Variants in GPC6 observed in about 807,000 individuals in gnomAD.
GPC6 encodes glypican-6.
In GPC6, 14 loss-of-function variants were observed where a neutral mutation model predicts 55.2. The ratio of observed to expected loss-of-function variants is 0.25; its 90% CI spans 0.17 to 0.40. GPC6 has a LOEUF of 0.40. GPC6 is among the 10% of genes least tolerant of loss of function. The probability of loss-of-function intolerance (pLI) is 1.00; values close to 1 mark genes in which losing one functional copy is unlikely to be tolerated. For missense variants in GPC6, 641 were observed against 708.5 expected (o/e 0.90, Z 1.08); for synonymous variants, 278 against 259.6 (o/e 1.07, Z -0.68).
chr13:93,612,436 T>C (rs1442942003), intron 2 of GPC6, among the ~76,000 whole-genome samples: 2 of 150,226 alleles, frequency 1.3e-5, no homozygotes, highest in East Asian at 3.9e-4. Flanking sequence ...GAGGCGGAGC[T>C]TGCAGTGAGC....
intron 2 of GPC6, among the ~76,000 whole-genome samples, chr13:93,792,644 C>T (rs1253205592): frequency 6.6e-6 from 1 of 152,142 alleles, no homozygotes; most frequent in Non-Finnish European, 1.5e-5. Flanking sequence ...TTCCCACATG[C>T]TAAGGGAGAA....
chr13:93,936,105 A>G (rs1888229), intron 3 of GPC6, among the ~76,000 whole-genome samples: 51,057 of 152,020 alleles, frequency 0.34, 8,771 homozygotes, highest in Middle Eastern at 0.44. Flanking sequence ...AAGAACCAAA[A>G]CATTGGGCGT....
intron 2 of GPC6, among the ~76,000 whole-genome samples, chr13:93,796,947 C>T (rs1296960352): frequency 6.6e-6 from 1 of 152,236 alleles, no homozygotes; most frequent in East Asian, 1.9e-4. Context: ...ATCAAAGCGT[C>T]TAACTTTTTC....
chr13:93,392,333 G>T (rs1875663715), intron 1 of GPC6, among the ~76,000 whole-genome samples: 1 of 152,232 alleles, frequency 6.6e-6, no homozygotes, highest in African/African-American at 2.4e-5. Flanking sequence ...CCCCCTAATT[G>T]TTTTTTACTT....
chr13:93,220,813 G>A, the GPC6 span, among the ~76,000 whole-genome samples: 1 of 152,122 alleles, frequency 6.6e-6, no homozygotes, highest in Admixed American at 6.5e-5. Flanking sequence ...TTCTAGGCAT[G>A]AAAATCACTT....
At chr13:93,925,062 A>G (rs1030397638) in intron 3 of GPC6, among the ~76,000 whole-genome samples, 4 of 152,194 alleles carry the variant, frequency 2.6e-5, no homozygotes, top group African/African-American at 9.6e-5. Flanking sequence ...TTACACAAAT[A>G]TTACACACAG....
intron 1 of GPC6, among the ~76,000 whole-genome samples, chr13:93,401,769 G>A (rs1876094580): frequency 7.3e-6 from 1 of 136,414 alleles, no homozygotes; most frequent in Admixed American, 7.8e-5. Context: ...TATTTTTTGT[G>A]TGTATATTAA....
At chr13:94,138,365 A>G (rs955411616) in intron 4 of GPC6, among the ~76,000 whole-genome samples, 1 of 152,180 alleles carries the variant, frequency 6.6e-6, no homozygotes, top group African/African-American at 2.4e-5. Context: ...CAGATTGCTG[A>G]ACCAAATTGT....
intron 2 of GPC6, among the ~76,000 whole-genome samples, chr13:93,682,061 A>G (rs1881863495): frequency 6.6e-6 from 1 of 152,214 alleles, no homozygotes; most frequent in African/African-American, 2.4e-5. Flanking sequence ...AACTAGCAGT[A>G]TTCTGAAAAG....
chr13:93,443,646 G>A lies in GPC6; in HGVS notation c.161-101617G>A, dbSNP rs558411067. ...TGAGAGTGAAATTTTTTCGTGGTGGGATTGTAAAAGATCAAGGATATGTTA... is the reference window on the plus strand; with the variant it reads ...TGAGAGTGAAATTTTTTCGTGGTGGAATTGTAAAAGATCAAGGATATGTTA... On this transcript the variant is annotated intron_variant, in intron 1 of 8. Coordinates refer to ENST00000377047, the MANE Select transcript of GPC6 (RefSeq NM_005708.5). 2.6e-5 allele frequency among the ~76,000 whole-genome samples: 4 copies of A among 152,256 alleles called. No homozygotes were observed. In the East Asian group the frequency reaches 5.8e-4, roughly 22 times the overall value.
At chr13:93,690,028 G>A (rs1367999383) in intron 2 of GPC6, among the ~76,000 whole-genome samples, 1 of 152,100 alleles carries the variant, frequency 6.6e-6, no homozygotes, top group Non-Finnish European at 1.5e-5. Flanking sequence ...TTAGCATTTA[G>A]TTACTTTAAT....
At chr13:93,351,606 A>G (rs555515846) in intron 1 of GPC6, among the ~76,000 whole-genome samples, 1 of 152,310 alleles carries the variant, frequency 6.6e-6, no homozygotes, top group East Asian at 1.9e-4. Flanking sequence ...CCCAACACAA[A>G]GAATGGTAGA....
At chr13:93,504,379 G>A (rs1371563977) in intron 1 of GPC6, among the ~76,000 whole-genome samples, 6 of 151,744 alleles carry the variant, frequency 4.0e-5, no homozygotes, top group Non-Finnish European at 8.8e-5. Context: ...TATAATATAT[G>A]ACACATACCT....
chr13:93,257,367 C>T (rs937755122), intron 1 of GPC6, among the ~76,000 whole-genome samples: 1 of 152,114 alleles, frequency 6.6e-6, no homozygotes, highest in Non-Finnish European at 1.5e-5. Flanking sequence ...ACTTACCTTT[C>T]TTAAAGGATA....
At chr13:94,262,599 G>C (rs969769320) in intron 4 of GPC6, among the ~76,000 whole-genome samples, 5 of 151,564 alleles carry the variant, frequency 3.3e-5, no homozygotes, top group African/African-American at 1.2e-4. Flanking sequence ...CTTGTACCCG[G>C]GAAGCAAAGA....
chr13:93,709,769 C>T (rs1480489210), intron 2 of GPC6, among the ~76,000 whole-genome samples: 2 of 151,718 alleles, frequency 1.3e-5, no homozygotes, highest in African/African-American at 2.4e-5. Context: ...CACTAAGTGT[C>T]TTTTAGTGTC....
At chr13:93,243,617 G>T (rs961759129) in intron 1 of GPC6, among the ~76,000 whole-genome samples, 1 of 152,180 alleles carries the variant, frequency 6.6e-6, no homozygotes, top group Non-Finnish European at 1.5e-5. Flanking sequence ...CTGTAGGTCT[G>T]TCTTGGTCTG....
intron 3 of GPC6, among the ~76,000 whole-genome samples, chr13:93,929,996 T>C (rs1878074819): frequency 6.6e-6 from 1 of 152,190 alleles, no homozygotes; most frequent in East Asian, 1.9e-4. Context: ...TTTACGGAGA[T>C]TCATTGTACC....
At chr13:93,440,732 A>C (rs1315368205) in intron 1 of GPC6, among the ~76,000 whole-genome samples, 3 of 152,028 alleles carry the variant, frequency 2.0e-5, no homozygotes, top group Admixed American at 2.0e-4. Flanking sequence ...TCTAGGGTAC[A>C]TGTGCACAAC....
Sources: allele counts gnomAD v4.1 joint callset (sites outside exome capture counted in the v4.1 genomes callset), GRCh38; gene constraint gnomAD v4.1.1; transcripts MANE v1.5; gene names NCBI Gene and HGNC (gene_info 2026-07-23, HGNC 2026-07-21).